PPFIBP1: variants seen among roughly 807,000 people sequenced by gnomAD.
The protein encoded by PPFIBP1 is liprin-beta-1.
PPFIBP1 carries 112 observed loss-of-function variants against 137.8 expected under a neutral mutation model. The ratio of observed to expected loss-of-function variants is 0.81; its 90% confidence interval spans 0.70 to 0.95. The LOEUF (loss-of-function observed/expected upper bound fraction) is 0.95. Ranked by LOEUF, PPFIBP1 falls within the 40% of genes least tolerant of loss-of-function variation. The probability of loss-of-function intolerance (pLI) is 0.00; values close to 1 mark genes in which losing one functional copy is unlikely to be tolerated. For missense variants in PPFIBP1, 1,083 were observed against 1,196.6 expected, an observed-to-expected ratio of 0.91 and a Z score of 1.40; for synonymous variants, 378 against 417.3, an observed-to-expected ratio of 0.91 and a Z score of 1.15.
intron 6 of PPFIBP1, among the ~76,000 whole-genome samples, chr12:27,648,382 C>A (rs1342362141): frequency 2.6e-5 from 4 of 152,126 alleles, no homozygotes; most frequent in African/African-American, 9.6e-5. Context: ...AAAAGGGAAC[C>A]CTTGTACACT....
At position 27,691,836 on chromosome 12, in the gene PPFIBP1, G is replaced by A. The variant is rs746112442; in HGVS notation, c.2773G>A (p.Gly925Arg). The A allele has an allele frequency of 5.6e-6, 9 of 1,613,780 alleles. No homozygotes were observed. The highest frequency in any genetic ancestry group is 6.8e-6 in the Non-Finnish European group (8 of 1,179,842). The change falls in exon 28 of 30, where the codon GGA (glycine) becomes AGA (arginine). Residue 925 changes from glycine (G) to arginine (R), a missense_variant. Physicochemically the swap from Gly to Arg is moderately radical, Grantham distance 125. Coordinates refer to ENST00000228425, the MANE Select transcript of PPFIBP1 (RefSeq NM_003622.4). ...GEEYVCPMEL[G>R]QASGSASKKG... ...AGAATATGTTTGTCCAATGGAATTG[G>A]GACAGGCATCAGGAAGTGCATCTAA...
intron 21 of PPFIBP1, among the ~76,000 whole-genome samples, chr12:27,681,127 C>G (rs1375081924): frequency 6.6e-6 from 1 of 152,172 alleles, no homozygotes; most frequent in African/African-American, 2.4e-5. Flanking sequence ...ATATTGCCCT[C>G]TTCTCATTGG....
chr12:27,588,228 G>A (rs1310384051), intron 2 of PPFIBP1, among the ~76,000 whole-genome samples: 2 of 152,198 alleles, frequency 1.3e-5, no homozygotes, highest in Non-Finnish European at 2.9e-5. Context: ...CATTGTAAAG[G>A]TGCCTAATCC....
At chr12:27,674,091 A>T in intron 16 of PPFIBP1, 101 bp from the exon 17 acceptor site, 1 of 945,656 alleles carries the variant, frequency 1.1e-6, no homozygotes, top group Non-Finnish European at 1.6e-6. Flanking sequence ...GCTTAGAAGT[A>T]GATATAAAAT....
Position 27,547,742 on chromosome 12 carries a change from T to G in PPFIBP1, c.-124+23377T>G, listed in dbSNP as rs1038992752. On this transcript the variant is annotated intron_variant, in intron 1 of 29. Transcript: ENST00000228425. ...TCCCCATTTGAGCAAGGGGCTGGAC[T>G]TTTGTTTGCCTACATCAGCTAATTC... 3.3e-5 allele frequency: 5 copies of G among 152,276 alleles called. No homozygotes were observed. In the South Asian group the frequency reaches 1.0e-3, roughly 32 times the overall value. 9.4% of individuals were successfully genotyped at this position (152,276 alleles called of 1,614,324 possible). A position where few individuals can be genotyped will look rare whatever the true frequency, so the allele number is the denominator to read the frequency against.
chr12:27,690,490 G>A (rs2061467021), intron 27 of PPFIBP1, among the ~76,000 whole-genome samples: 1 of 152,184 alleles, frequency 6.6e-6, no homozygotes, highest in African/African-American at 2.4e-5. Flanking sequence ...TAGTCCCAGT[G>A]CATTGGGAGG....
At chr12:27,598,262 C>G (rs1160408879) in intron 2 of PPFIBP1, among the ~76,000 whole-genome samples, 1 of 152,128 alleles carries the variant, frequency 6.6e-6, no homozygotes, top group Non-Finnish European at 1.5e-5. Flanking sequence ...CTGGGAAGGC[C>G]TCAAAATCAT....
intron 2 of PPFIBP1, among the ~76,000 whole-genome samples, chr12:27,616,026 C>A (rs1372049538): frequency 6.6e-6 from 1 of 152,164 alleles, no homozygotes; most frequent in East Asian, 1.9e-4. Context: ...TATGTTTGTT[C>A]TAAATCGCTT....
intron 6 of PPFIBP1, 84 bp from the exon 7 acceptor site, chr12:27,649,926 G>A (rs1390877227): frequency 3.1e-6 from 4 of 1,304,200 alleles, no homozygotes; most frequent in Non-Finnish European, 4.3e-6. Context: ...GATAGGTGCT[G>A]CTTTGTGCGA....
chr12:27,648,815 G>A (rs1285524553), intron 6 of PPFIBP1, among the ~76,000 whole-genome samples: 2 of 152,146 alleles, frequency 1.3e-5, no homozygotes, highest in Non-Finnish European at 2.9e-5. Context: ...AACCCATGGA[G>A]ATAGAGAGTA....
At chr12:27,678,877 A>AAAAAAAAAAAAAAAAAC (rs2060704099) in intron 19 of PPFIBP1, among the ~76,000 whole-genome samples, 1 of 113,224 alleles carries the variant, frequency 8.8e-6, no homozygotes, top group African/African-American at 3.2e-5. Context: ...AAAAAAAAAA[A>AAAAAAAAAAAAAAAAAC]AAAACATTTA....
intron 2 of PPFIBP1, among the ~76,000 whole-genome samples, chr12:27,607,115 A>G (rs1031031132): frequency 2.6e-5 from 4 of 152,190 alleles, no homozygotes; most frequent in Non-Finnish European, 4.4e-5. Flanking sequence ...AACCTGTTAA[A>G]CTTTTACTAG....
intron 28 of PPFIBP1, among the ~76,000 whole-genome samples, chr12:27,692,331 G>A (rs1364869070): frequency 6.6e-6 from 1 of 152,158 alleles, no homozygotes; most frequent in African/African-American, 2.4e-5. Flanking sequence ...AAAGTCGTGG[G>A]ACCGCATATT....
intron 4 of PPFIBP1, among the ~76,000 whole-genome samples, chr12:27,639,806 AATACTC>A (rs1424824757): frequency 6.6e-6 from 1 of 152,220 alleles, no homozygotes; most frequent in Non-Finnish European, 1.5e-5. Flanking sequence ...TAAAAATAAA[AATACTC>A]ATAACTTAAA....
chr12:27,648,953 T>C (rs1332554229), intron 6 of PPFIBP1, among the ~76,000 whole-genome samples: 1 of 152,160 alleles, frequency 6.6e-6, no homozygotes, highest in African/African-American at 2.4e-5. Context: ...AGGGTGACTA[T>C]AGCCAATAAT....
chr12:27,667,992 G>A (rs2059964954), intron 13 of PPFIBP1, among the ~76,000 whole-genome samples: 2 of 152,144 alleles, frequency 1.3e-5, no homozygotes, highest in South Asian at 4.1e-4. Flanking sequence ...CAGATACAAG[G>A]AGAGGAAACA....
intron 12 of PPFIBP1, among the ~76,000 whole-genome samples, chr12:27,665,484 A>G (rs2059804626): frequency 2.0e-5 from 3 of 152,138 alleles, no homozygotes; most frequent in South Asian, 4.1e-4. Flanking sequence ...GGGCTGGGTA[A>G]GGGGGATTGA....
chr12:27,553,021 C>CT (rs141415571), intron 1 of PPFIBP1, among the ~76,000 whole-genome samples: 2,936 of 152,058 alleles, frequency 0.019, 92 homozygotes, highest in African/African-American at 0.067. Context: ...GGGTTCTTTG[C>CT]TAAACTTGGA....
intron 2 of PPFIBP1, among the ~76,000 whole-genome samples, chr12:27,623,084 C>T (rs1207540703): frequency 6.6e-6 from 1 of 151,994 alleles, no homozygotes; most frequent in Non-Finnish European, 1.5e-5. Flanking sequence ...GGAAGCAGTC[C>T]ATGTAGCCTG....
Sources: gnomAD v4.1 joint callset for allele counts (sites outside exome capture counted in the v4.1 genomes callset) on GRCh38, gnomAD v4.1.1 for gene constraint, MANE v1.5 for transcripts, NCBI Gene and HGNC (gene_info 2026-07-23, HGNC 2026-07-21) for gene names.